CCDC68: variants seen among roughly 807,000 people sequenced by gnomAD.
CCDC68 encodes the protein coiled-coil domain containing 68, also known as coiled-coil domain-containing protein 68.
Under a neutral mutation model 47.1 loss-of-function variants are expected in CCDC68, and 45 were observed. That is an observed-to-expected ratio of 0.96 (90% confidence interval 0.75 to 1.23). The LOEUF (loss-of-function observed/expected upper bound fraction) is 1.23. CCDC68 is among the 50% of genes most tolerant of loss of function. The pLI is 0.00. For synonymous variants in CCDC68, 131 were observed against 129.5 expected (o/e 1.01, Z -0.08); for missense variants, 353 against 373.6 (o/e 0.94, Z 0.45).
At chr18:54,915,738 G>A (rs1386891889) in intron 10 of CCDC68, among the ~76,000 whole-genome samples, 1 of 152,096 alleles carries the variant, frequency 6.6e-6, no homozygotes, top group Non-Finnish European at 1.5e-5. Context: ...AGACCAGCCT[G>A]GCCAACATGG....
intron 10 of CCDC68, among the ~76,000 whole-genome samples, chr18:54,915,297 A>G (rs2043926133): frequency 6.6e-6 from 1 of 152,200 alleles, no homozygotes; most frequent in African/African-American, 2.4e-5. Flanking sequence ...ACTCATGTCT[A>G]TTTTGTTCAA....
chr18:54,916,062 A>T (rs543962850), intron 10 of CCDC68, among the ~76,000 whole-genome samples: 1 of 152,368 alleles, frequency 6.6e-6, no homozygotes, highest in East Asian at 1.9e-4. Flanking sequence ...AGAACATTTC[A>T]TACAAGGGGA....
chr18:54,915,868 G>A (rs2043940841), intron 10 of CCDC68, among the ~76,000 whole-genome samples: 1 of 152,148 alleles, frequency 6.6e-6, no homozygotes, highest in South Asian at 2.1e-4. Flanking sequence ...GGCAGAGGTT[G>A]CAGTGAGCCG....
intron 10 of CCDC68, among the ~76,000 whole-genome samples, chr18:54,914,460 A>T (rs2043910616): frequency 6.6e-6 from 1 of 152,104 alleles, no homozygotes; most frequent in South Asian, 2.1e-4. Flanking sequence ...TCTACTAAAA[A>T]TACAAAAATT....
chr18:54,939,241 A>C (rs774196113), intron 4 of CCDC68, among the ~76,000 whole-genome samples: 7 of 152,078 alleles, frequency 4.6e-5, no homozygotes, highest in Non-Finnish European at 1.0e-4. Context: ...TCATATACAG[A>C]GTAGGAATTA....
intron 10 of CCDC68, among the ~76,000 whole-genome samples, chr18:54,915,397 T>G (rs1307189619): frequency 6.6e-6 from 1 of 152,066 alleles, no homozygotes; most frequent in Admixed American, 6.5e-5. Flanking sequence ...TGTGGAAAAA[T>G]GAATGAAAGT....
chr18:54,933,038 A>C (rs1299033484), intron 7 of CCDC68, among the ~76,000 whole-genome samples: 1 of 152,212 alleles, frequency 6.6e-6, no homozygotes, highest in Non-Finnish European at 1.5e-5. Context: ...ACTAACATCT[A>C]GTACACATTT....
chr18:54,905,278 GGAAGT>G lies in CCDC68; in HGVS notation c.951-868_951-864del, dbSNP rs1158108029. Among the ~76,000 whole-genome samples, 9 of 150,108 alleles carry G rather than the reference GGAAGT, an allele frequency of 6.0e-5. No homozygotes were observed. The Admixed American group carries it at 6.0e-4, about 10-fold the overall frequency. On this transcript the variant is annotated intron_variant, in intron 11 of 11. Transcript: ENST00000591504. ...AAACAGAAAAACAAAGAGAATGAAA[GGAAGT>G]GGAGGGGAGGGGAGGGACTAGTTGG...
Position 54,919,280 on chromosome 18 carries a change from G to T in CCDC68, c.780C>A (p.Val260=). Residue 260 remains valine (V), a synonymous_variant, in exon 9 of 12, where the codon GTC becomes GTA. Transcript: ENST00000591504. ...ACTTGATTAATCTGACCTCCTGGAT[G>T]ACACTGCGCAGGTTCTGATGTTGGG... The part of the protein sequence containing the change: ...IHSQHQNLRS[V]IQEMEGLKNN... 6.2e-7 allele frequency: 1 copy of T among 1,612,568 alleles called. No homozygotes were observed. The highest frequency in any genetic ancestry group is 8.5e-7 in the Non-Finnish European group (1 of 1,178,672).
intron 1 of CCDC68, among the ~76,000 whole-genome samples, chr18:54,946,516 G>A (rs2044530630): frequency 6.6e-6 from 1 of 152,168 alleles, no homozygotes. Context: ...TATGCAATGT[G>A]TACATTAACA....
chr18:54,938,144 A>C (rs2044380615), intron 4 of CCDC68, 47 bp from the exon 5 acceptor site: 2 of 1,554,418 alleles, frequency 1.3e-6, no homozygotes, highest in Non-Finnish European at 1.7e-6. Context: ...CTTTTCCTCT[A>C]CAAACTTTGA....
intron 8 of CCDC68, among the ~76,000 whole-genome samples, chr18:54,925,630 C>T (rs2044131865): frequency 6.6e-6 from 1 of 152,070 alleles, no homozygotes; most frequent in Non-Finnish European, 1.5e-5. Flanking sequence ...CATAGAAATC[C>T]CACAGGATAC....
At chr18:54,909,697 A>C (rs1914237534) in intron 10 of CCDC68, among the ~76,000 whole-genome samples, 1 of 152,232 alleles carries the variant, frequency 6.6e-6, no homozygotes, top group Non-Finnish European at 1.5e-5. Context: ...TGGGGCACAC[A>C]GCGCCGGGTA....
At position 54,904,381 on chromosome 18, in the gene CCDC68, T is replaced by G. The variant is rs1913859807; in HGVS notation, c.985A>C (p.Met329Leu). The part of the protein sequence containing the change: ...LKTEGVSPYL[M>L]LIRLRK ...GTTCATTTCCGTAACCTAATCAACATTAAATAAGGGGAAACACCTTCGGTC... is the reference window on the plus strand; with the variant it reads ...GTTCATTTCCGTAACCTAATCAACAGTAAATAAGGGGAAACACCTTCGGTC... The change falls in exon 12 of 12, where the codon ATG (methionine) becomes CTG (leucine). Residue 329 changes from methionine (M) to leucine (L), a missense_variant. By Grantham distance (15) the Met-to-Leu change is conservative. Coordinates refer to ENST00000591504, the MANE Select transcript of CCDC68 (RefSeq NM_025214.3). The G allele has an allele frequency of 6.2e-7, 1 of 1,613,448 alleles. No homozygotes were observed. The highest frequency in any genetic ancestry group is 8.5e-7 in the Non-Finnish European group (1 of 1,179,482).
At chr18:54,937,741 G>A (rs116373289) in intron 5 of CCDC68, 134 of 388,064 alleles carry the variant, frequency 3.5e-4, no homozygotes, top group African/African-American at 2.7e-3. Flanking sequence ...TTGAACTTTT[G>A]TAAGATATTT....
At chr18:54,928,931 G>A (rs375025062) in intron 7 of CCDC68, 49 bp from the exon 8 acceptor site, 2 of 988,286 alleles carry the variant, frequency 2.0e-6, no homozygotes, top group South Asian at 2.6e-5. Flanking sequence ...GTGTATGTTT[G>A]GTAAGGCCTT....
chr18:54,941,966 T>G (rs1053789276), intron 3 of CCDC68, among the ~76,000 whole-genome samples: 1 of 152,034 alleles, frequency 6.6e-6, no homozygotes, highest in Non-Finnish European at 1.5e-5. Flanking sequence ...TGGCTAATTT[T>G]TTTGTATTTT....
chr18:54,955,889 T>A (rs1431281435), intron 1 of CCDC68, among the ~76,000 whole-genome samples: 2 of 151,884 alleles, frequency 1.3e-5, no homozygotes, highest in East Asian at 1.9e-4. Context: ...AGCTAATTTT[T>A]AAAAAATCAT....
chr18:54,936,603 G>T (rs1568152546), intron 6 of CCDC68, among the ~76,000 whole-genome samples: 1 of 152,102 alleles, frequency 6.6e-6, no homozygotes, highest in Non-Finnish European at 1.5e-5. Flanking sequence ...CTGTGCTCAT[G>T]GGGGCTCTGG....
Sources: gnomAD v4.1 joint callset for allele counts (sites outside exome capture counted in the v4.1 genomes callset) on GRCh38, gnomAD v4.1.1 for gene constraint, MANE v1.5 for transcripts, NCBI Gene and HGNC (gene_info 2026-07-23, HGNC 2026-07-21) for gene names.